CTNNA3: variants seen among roughly 807,000 people sequenced by gnomAD.
CTNNA3 encodes the protein catenin alpha 3.
CTNNA3 carries 76 observed loss-of-function variants against 95.7 expected under a neutral mutation model. That is an observed-to-expected ratio of 0.79 (90% CI 0.66 to 0.96). The LOEUF (loss-of-function observed/expected upper bound fraction) is 0.96. Ranked by LOEUF, CTNNA3 falls within the 40% of genes least tolerant of loss-of-function variation. CTNNA3 has a pLI of 0.00. For missense variants in CTNNA3, 1,191 were observed against 1,089.8 expected (o/e 1.09, Z -1.31); for synonymous variants, 431 against 374.4 (o/e 1.15, Z -1.74).
chr10:65,996,208 G>C (rs1281170838), intron 15 of CTNNA3, among the ~76,000 whole-genome samples: 1 of 152,232 alleles, frequency 6.6e-6, no homozygotes, highest in East Asian at 1.9e-4. Context: ...TTCAGAGCAT[G>C]TGCAAGTTGA....
chr10:66,333,387 C>T (rs944099552), intron 12 of CTNNA3, among the ~76,000 whole-genome samples: 5 of 151,954 alleles, frequency 3.3e-5, no homozygotes, highest in African/African-American at 1.2e-4. Context: ...TTTCCCTCTA[C>T]ACACTTCTTT....
At chr10:66,518,886 T>C (rs1198822079) in intron 11 of CTNNA3, among the ~76,000 whole-genome samples, 1 of 152,044 alleles carries the variant, frequency 6.6e-6, no homozygotes, top group African/African-American at 2.4e-5. Context: ...TTTAAAAATA[T>C]GTAATTAGCA....
Position 67,673,403 on chromosome 10 carries a change from T to C in CTNNA3, c.-6+22597A>G, listed in dbSNP as rs574991398. Among the ~76,000 whole-genome samples, 16 of 151,076 alleles carry C rather than the reference T, an allele frequency of 1.1e-4. No individual in the cohort carries two copies. The East Asian group carries it at 3.1e-3, about 30-fold the overall frequency. On this transcript the variant is annotated intron_variant, in intron 1 of 17. Coordinates refer to ENST00000433211, the MANE Select transcript of CTNNA3 (RefSeq NM_013266.4). ...CCAGAACTTCCAACACTATGTTGAA[T>C]AGGAGTGGTGAGAGAGGGCATCCCT...
rs2132591149 is a variant in CTNNA3, at chr10:67,333,815, G to T, written c.580-113945C>A. 3.3e-5 allele frequency among the ~76,000 whole-genome samples: 5 copies of T among 152,108 alleles called. No homozygotes were observed. The South Asian group carries it at 1.0e-3, about 32-fold the overall frequency. On this transcript the variant is annotated intron_variant, in intron 5 of 17. Coordinates refer to ENST00000433211, the MANE Select transcript of CTNNA3 (RefSeq NM_013266.4). ...ATGAGAGGTCTACTAGATTATACAT[G>T]GCACTTACTTTCATCTCTCACATCA... is the stretch of plus-strand genomic sequence containing the variant.
chr10:67,073,628 G>A (rs985339491), intron 7 of CTNNA3, among the ~76,000 whole-genome samples: 1 of 151,556 alleles, frequency 6.6e-6, no homozygotes, highest in Non-Finnish European at 1.5e-5. Context: ...GGAAAAAAAC[G>A]AGAGAATCAC....
At chr10:65,958,335 T>A (rs1366771241) in intron 17 of CTNNA3, among the ~76,000 whole-genome samples, 3 of 152,162 alleles carry the variant, frequency 2.0e-5, no homozygotes, top group Non-Finnish European at 4.4e-5. Context: ...TCAAACATCC[T>A]CCTTTAGCTT....
intron 13 of CTNNA3, among the ~76,000 whole-genome samples, chr10:66,146,031 T>C (rs1050649841): frequency 6.6e-6 from 1 of 152,156 alleles, no homozygotes; most frequent in Non-Finnish European, 1.5e-5. Flanking sequence ...TGTTTGTGTT[T>C]TTAGTAGAGA....
chr10:67,750,588 T>A, intron 1 of CTNNA3: 1 of 1,565,476 alleles, frequency 6.4e-7, no homozygotes, highest in East Asian at 2.2e-5. Flanking sequence ...GATCTGAAGC[T>A]GAGTTATCTG....
rs916694981 is a variant in CTNNA3, at chr10:67,066,342, G to A, written c.1047+113975C>T. ...CAAGTAACTGGGACTACAGGTGTGC[G>A]CCACCACATCAAGCTAATTTTTGTA... On this transcript the variant is annotated intron_variant, in intron 7 of 17. Coordinates refer to ENST00000433211, the MANE Select transcript of CTNNA3 (RefSeq NM_013266.4). Among the ~76,000 whole-genome samples, 4 of 151,848 alleles carry A rather than the reference G, an allele frequency of 2.6e-5. No homozygotes were observed. The East Asian group carries it at 5.8e-4, about 22-fold the overall frequency.
chr10:66,374,703 C>T (rs7913481), intron 12 of CTNNA3, among the ~76,000 whole-genome samples: 10,417 of 147,904 alleles, frequency 0.07, 386 homozygotes, highest in Middle Eastern at 0.14. Flanking sequence ...CAACCTCTGC[C>T]TCCTGGGTTC....
At chr10:66,416,148 G>A (rs6480164) in intron 11 of CTNNA3, among the ~76,000 whole-genome samples, 52,487 of 151,790 alleles carry the variant, frequency 0.35, 9,791 homozygotes, top group African/African-American at 0.48. Flanking sequence ...CCTATAAATG[G>A]AGAATCATTG....
chr10:66,731,262 A>T (rs1848951475), intron 9 of CTNNA3, among the ~76,000 whole-genome samples: 1 of 152,234 alleles, frequency 6.6e-6, no homozygotes, highest in Admixed American at 6.5e-5. Flanking sequence ...TAAAAAGGTC[A>T]TTACCCTCTA....
chr10:66,715,296 ATCCCACCTCACATCC>A (rs1848416172), intron 9 of CTNNA3, among the ~76,000 whole-genome samples: 1 of 152,106 alleles, frequency 6.6e-6, no homozygotes, highest in African/African-American at 2.4e-5. Context: ...GGCACTGCTT[ATCCCACCTCACATCC>A]TCCCACCCCT....
At chr10:66,965,378 T>G (rs1849346487) in intron 7 of CTNNA3, among the ~76,000 whole-genome samples, 1 of 151,528 alleles carries the variant, frequency 6.6e-6, no homozygotes, top group Admixed American at 6.6e-5. Context: ...CTACTAAAAA[T>G]ACAAAAATTA....
At chr10:66,674,951 A>C (rs1846798453) in intron 9 of CTNNA3, among the ~76,000 whole-genome samples, 1 of 152,092 alleles carries the variant, frequency 6.6e-6, no homozygotes, top group African/African-American at 2.4e-5. Flanking sequence ...TGCATTTAGA[A>C]TGCCGATGAC....
chr10:66,064,878 T>C (rs1224765365), intron 15 of CTNNA3, among the ~76,000 whole-genome samples: 1 of 152,196 alleles, frequency 6.6e-6, no homozygotes, highest in Non-Finnish European at 1.5e-5. Flanking sequence ...ATTAAAGTAG[T>C]ATTTTAAAAA....
chr10:66,051,238 G>T (rs2079951437), intron 15 of CTNNA3, among the ~76,000 whole-genome samples: 1 of 152,132 alleles, frequency 6.6e-6, no homozygotes, highest in African/African-American at 2.4e-5. Flanking sequence ...GACAGAAATT[G>T]AGTCCAAATT....
At position 66,885,380 on chromosome 10, in the gene CTNNA3, T is replaced by C. The variant is rs2132477669; in HGVS notation, c.1048-109856A>G. The stretch of plus-strand genomic sequence containing the variant: ...TATATGTAATATCCCTTTGCCTATT[T>C]ATCTTACATCAAAATGGTATTTATA... On this transcript the variant is annotated intron_variant, in intron 7 of 17. Coordinates refer to ENST00000433211, the MANE Select transcript of CTNNA3 (RefSeq NM_013266.4). Among the ~76,000 whole-genome samples, 2 of 152,282 alleles carry C rather than the reference T, an allele frequency of 1.3e-5. 1 individual carries two copies. The highest frequency in any genetic ancestry group is 4.1e-4 in the South Asian group (2 of 4,828).
At chr10:66,716,841 C>T (rs74141660) in intron 9 of CTNNA3, among the ~76,000 whole-genome samples, 1 of 152,034 alleles carries the variant, frequency 6.6e-6, no homozygotes, top group African/African-American at 2.4e-5. Context: ...TTTGGTCTAT[C>T]AAAGCAAAAA....
Sources: gnomAD v4.1 joint callset for allele counts (sites outside exome capture counted in the v4.1 genomes callset) on GRCh38, gnomAD v4.1.1 for gene constraint, MANE v1.5 for transcripts, NCBI Gene and HGNC (gene_info 2026-07-23, HGNC 2026-07-21) for gene names.